CD1B: variants seen among roughly 807,000 people sequenced by gnomAD.
CD1B encodes the protein CD1b molecule, also known as T-cell surface glycoprotein CD1b.
CD1B carries 43 observed loss-of-function variants against 39.8 expected under a neutral mutation model. The observed-to-expected ratio is 1.08, with a 90% CI of 0.85 to 1.39. The LOEUF is 1.39. Among genes scored for constraint, CD1B ranks in the 40% most tolerant of loss-of-function variants. CD1B has a pLI of 0.00. For missense variants in CD1B, 495 were observed against 403.8 expected (o/e 1.23, Z -1.94); for synonymous variants, 192 against 152.5 (o/e 1.26, Z -1.91).
downstream of CD1B, among the ~76,000 whole-genome samples, chr1:158,326,055 C>T (rs934888842): frequency 3.9e-4 from 60 of 152,128 alleles, no homozygotes; most frequent in African/African-American, 1.4e-3. Context: ...CTGCAAGCTC[C>T]GCCTCCCGGG....
chr1:158,300,751 T>G, the CD1B span, among the ~76,000 whole-genome samples: 1 of 145,646 alleles, frequency 6.9e-6, no homozygotes, highest in Non-Finnish European at 1.5e-5. Flanking sequence ...TCTTTGTCTC[T>G]CTCTCTCTCT....
chr1:158,291,695 T>A, the CD1B span, among the ~76,000 whole-genome samples: 4,827 of 152,152 alleles, frequency 0.032, 244 homozygotes, highest in African/African-American at 0.11. Context: ...TAAAATAAAA[T>A]CTATTCCCCC....
chr1:158,313,300 T>C, the CD1B span, among the ~76,000 whole-genome samples: 1 of 152,026 alleles, frequency 6.6e-6, no homozygotes, highest in Non-Finnish European at 1.5e-5. Flanking sequence ...TATTGGCCTG[T>C]AGTTTTTCCT....
chr1:158,323,894 G>T (rs73027850), downstream of CD1B, among the ~76,000 whole-genome samples: 58 of 152,234 alleles, frequency 3.8e-4, no homozygotes, highest in Non-Finnish European at 7.1e-4. Context: ...GCTGAGACTG[G>T]GTCCCCTCAG....
rs201912087 is a variant in CD1B, at chr1:158,329,382, T to A, written c.874A>T (p.Ile292Phe). Residue 292 changes from isoleucine (I) to phenylalanine (F), a missense_variant, in exon 4 of 6, where the codon ATC becomes TTC. By Grantham distance (21) the Ile-to-Phe change is conservative (BLOSUM62 0). Coordinates refer to ENST00000368168, the MANE Select transcript of CD1B (RefSeq NM_001764.3). ...KHSSLEGQDIILYWRNPTSIG... is the reference protein window; with the variant it reads ...KHSSLEGQDIFLYWRNPTSIG... ...TGCTATTTCTTACTCCAGTAGAGGA[T>A]GATGTCCTGGCCCTCTAAACTGCTG... is the stretch of plus-strand genomic sequence containing the variant. The A allele has an allele frequency of 3.7e-6, 6 of 1,613,636 alleles. No homozygotes were observed. Among genetic ancestry groups the A allele is most frequent in the Middle Eastern group, 1.6e-4 (1 of 6,062 alleles).
the CD1B span, among the ~76,000 whole-genome samples, chr1:158,309,988 A>G: frequency 6.6e-6 from 1 of 151,902 alleles, no homozygotes; most frequent in Non-Finnish European, 1.5e-5. Context: ...TAATAATAAA[A>G]AAAAAAGAGT....
the CD1B span, among the ~76,000 whole-genome samples, chr1:158,309,984 T>TAA: frequency 4.3e-4 from 55 of 128,582 alleles, no homozygotes; most frequent in East Asian, 2.5e-3. Flanking sequence ...CGTATAATAA[T>TAA]AAAAAAAAAA....
At position 158,331,047 on chromosome 1, in the gene CD1B, G is replaced by A; in HGVS notation, c.77C>T (p.Thr26Ile). The A allele has an allele frequency of 6.2e-7, 1 of 1,612,104 alleles. No homozygotes were observed. Among genetic ancestry groups the A allele is most frequent in the South Asian group, 1.1e-5 (1 of 90,538 alleles). The change falls in exon 2 of 6, where the codon ACC (threonine) becomes ATC (isoleucine). Residue 26 changes from threonine (T) to isoleucine (I), a missense_variant. Coordinates refer to ENST00000368168, the MANE Select transcript of CD1B (RefSeq NM_001764.3). ...GNSEHAFQGP[T>I]SFHVIQTSSF... is the part of the protein sequence containing the mutation. ...CGAGGTCTGGATAACATGAAAGGAGGTCGGCCCCTGGAAGGCTGTGAAGAG... is the reference window on the plus strand; with the variant it reads ...CGAGGTCTGGATAACATGAAAGGAGATCGGCCCCTGGAAGGCTGTGAAGAG...
the CD1B span, among the ~76,000 whole-genome samples, chr1:158,288,539 G>A: frequency 1.3e-5 from 2 of 152,156 alleles, no homozygotes; most frequent in Admixed American, 6.5e-5. Flanking sequence ...CTACAGGCAT[G>A]TGCCACCACA....
downstream of CD1B, among the ~76,000 whole-genome samples, chr1:158,324,874 T>C (rs985165888): frequency 9.9e-5 from 15 of 152,214 alleles, no homozygotes; most frequent in South Asian, 2.1e-4. Flanking sequence ...TCAGGAAGAA[T>C]TGACTTGAAA....
the CD1B span, among the ~76,000 whole-genome samples, chr1:158,316,930 CT>C: frequency 6.6e-6 from 1 of 151,526 alleles, no homozygotes; most frequent in Non-Finnish European, 1.5e-5. Flanking sequence ...TGGTTTTTGT[CT>C]TTGGCTCTGT....
At chr1:158,296,679 G>A in the CD1B span, among the ~76,000 whole-genome samples, 3 of 152,132 alleles carry the variant, frequency 2.0e-5, no homozygotes, top group East Asian at 5.8e-4. Context: ...AGTTGAAATG[G>A]AATCCAAAGA....
the CD1B span, among the ~76,000 whole-genome samples, chr1:158,296,605 G>T: frequency 6.6e-6 from 1 of 152,088 alleles, no homozygotes; most frequent in African/African-American, 2.4e-5. Context: ...GACTAAAATG[G>T]CTGAGATAAT....
At chr1:158,320,774 G>C in the CD1B span, among the ~76,000 whole-genome samples, 1 of 151,784 alleles carries the variant, frequency 6.6e-6, no homozygotes, top group African/African-American at 2.4e-5. Flanking sequence ...TGAACCACTG[G>C]TTGTTCAGCT....
the CD1B span, among the ~76,000 whole-genome samples, chr1:158,313,350 A>G: frequency 1.8e-3 from 272 of 152,220 alleles, 1 homozygote; most frequent in Middle Eastern, 3.4e-3. Flanking sequence ...TCACTCTGTC[A>G]CCCAAGCTGG....
At chr1:158,323,118 A>G (rs1652244096), downstream of CD1B, among the ~76,000 whole-genome samples, 1 of 151,882 alleles carries the variant, frequency 6.6e-6, no homozygotes, top group Non-Finnish European at 1.5e-5. Flanking sequence ...CTTGAACTCC[A>G]ATGACCCAAG....
chr1:158,315,739 A>G, the CD1B span, among the ~76,000 whole-genome samples: 6 of 152,020 alleles, frequency 3.9e-5, no homozygotes, highest in Non-Finnish European at 5.9e-5. Flanking sequence ...GCCCATGCCT[A>G]TGTCCTGAAT....
the CD1B span, among the ~76,000 whole-genome samples, chr1:158,307,665 C>T: frequency 6.6e-6 from 1 of 152,300 alleles, no homozygotes; most frequent in Middle Eastern, 3.4e-3. Context: ...CCCTGACGAA[C>T]ATCGATGCAG....
downstream of CD1B, among the ~76,000 whole-genome samples, chr1:158,325,879 T>G (rs1323154437): frequency 6.6e-6 from 1 of 152,230 alleles, no homozygotes; most frequent in Admixed American, 6.5e-5. Context: ...AATCTAGTAA[T>G]GAATGAAGAC....
Sources: gnomAD v4.1 joint callset for allele counts (sites outside exome capture counted in the v4.1 genomes callset) on GRCh38, gnomAD v4.1.1 for gene constraint, MANE v1.5 for transcripts, NCBI Gene and HGNC (gene_info 2026-07-23, HGNC 2026-07-21) for gene names.